NYAP2: variants seen among roughly 807,000 people sequenced by gnomAD.
NYAP2 encodes the protein neuronal tyrosine-phosphorylated phosphoinositide-3-kinase adaptor 2, also known as neuronal tyrosine-phosphorylated phosphoinositide-3-kinase adapter 2.
NYAP2 carries 23 observed loss-of-function variants against 50.4 expected under a neutral mutation model. That is an observed-to-expected ratio of 0.46 (90% CI 0.33 to 0.65). The LOEUF is 0.65. NYAP2 is among the 30% of genes least tolerant of loss of function. The pLI is 0.02. For synonymous variants in NYAP2, 394 were observed against 365.2 expected (o/e 1.08, Z -0.90); for missense variants, 885 against 861.0 (o/e 1.03, Z -0.35).
At chr2:225,589,516 A>AATATATATATATATATATAT (rs71062993) in intron 5 of NYAP2, among the ~76,000 whole-genome samples, 1,119 of 70,908 alleles carry the variant, frequency 0.016, 28 homozygotes, top group East Asian at 0.025. Flanking sequence ...CTAAAAGTAA[A>AATATATATATATATATATAT]ATATATATAT....
At chr2:225,686,077 T>A in the NYAP2 span, among the ~76,000 whole-genome samples, 2 of 152,152 alleles carry the variant, frequency 1.3e-5, no homozygotes, top group African/African-American at 4.8e-5. Flanking sequence ...AGAAATACCA[T>A]GTCACTCACA....
intron 3 of NYAP2, among the ~76,000 whole-genome samples, chr2:225,446,216 GTCTCTCTCTC>G (rs1271105292): frequency 1.4e-5 from 1 of 69,670 alleles, no homozygotes; most frequent in African/African-American, 3.9e-5. Context: ...CTGTCTGTCT[GTCTCTCTCTC>G]TCTCTCTCTC....
chr2:225,556,092 G>A (rs1331096006), intron 4 of NYAP2, among the ~76,000 whole-genome samples: 1 of 152,094 alleles, frequency 6.6e-6, no homozygotes, highest in East Asian at 1.9e-4. Flanking sequence ...TGCCAATGGA[G>A]CCTCATCAGC....
intron 4 of NYAP2, among the ~76,000 whole-genome samples, chr2:225,530,202 A>T (rs1691229887): frequency 6.6e-6 from 1 of 152,144 alleles, no homozygotes; most frequent in Non-Finnish European, 1.5e-5. Context: ...TAATGGGTGA[A>T]TGTACCCCAG....
At chr2:225,701,696 A>T in the NYAP2 span, 1 of 151,772 alleles carries the variant, frequency 6.6e-6, no homozygotes, top group Non-Finnish European at 1.5e-5. Flanking sequence ...TAAAATAATT[A>T]GAAAAGTAAA....
At chr2:225,663,998 A>T in the NYAP2 span, among the ~76,000 whole-genome samples, 1 of 152,030 alleles carries the variant, frequency 6.6e-6, no homozygotes, top group Non-Finnish European at 1.5e-5. Flanking sequence ...TCTCCCATCC[A>T]CAAGGCTTTT....
At chr2:225,646,038 C>A (rs1407889342) in intron 6 of NYAP2, among the ~76,000 whole-genome samples, 1 of 152,184 alleles carries the variant, frequency 6.6e-6, no homozygotes, top group East Asian at 1.9e-4. Context: ...CTCTGAAAGG[C>A]ATGGTTATAA....
At chr2:225,479,097 C>G (rs1281626437) in intron 3 of NYAP2, among the ~76,000 whole-genome samples, 4 of 152,022 alleles carry the variant, frequency 2.6e-5, no homozygotes, top group Non-Finnish European at 4.4e-5. Context: ...GACTTGGGAA[C>G]AGTCAACGAG....
chr2:225,675,816 G>T, the NYAP2 span, among the ~76,000 whole-genome samples: 3,054 of 152,108 alleles, frequency 0.02, 105 homozygotes, highest in African/African-American at 0.069. Flanking sequence ...GTAGTTTTGT[G>T]ATTTTTTAAT....
chr2:225,644,155 A>G (rs1263157933), intron 6 of NYAP2, among the ~76,000 whole-genome samples: 1 of 152,088 alleles, frequency 6.6e-6, no homozygotes, highest in Non-Finnish European at 1.5e-5. Flanking sequence ...GTGAGATGGT[A>G]TCTCATTGTT....
intron 3 of NYAP2, among the ~76,000 whole-genome samples, chr2:225,465,249 A>C (rs977677943): frequency 2.0e-5 from 3 of 152,032 alleles, no homozygotes; most frequent in Non-Finnish European, 4.4e-5. Context: ...CAGGCCTGCT[A>C]TCTCAAAGCA....
chr2:225,489,305 TGCCTCAGCCTCCCGAGTA>T (rs1690363433), intron 3 of NYAP2, among the ~76,000 whole-genome samples: 1 of 152,126 alleles, frequency 6.6e-6, no homozygotes, highest in Admixed American at 6.5e-5. Context: ...GCAATTCTCC[TGCCTCAGCCTCCCGAGTA>T]GCTGGGATTA....
chr2:225,629,900 A>C (rs1693278573), intron 6 of NYAP2, among the ~76,000 whole-genome samples: 1 of 152,152 alleles, frequency 6.6e-6, no homozygotes, highest in South Asian at 2.1e-4. Flanking sequence ...TTTCAACATG[A>C]GTTTTCGTGA....
intron 6 of NYAP2, among the ~76,000 whole-genome samples, chr2:225,631,784 A>C (rs767022245): frequency 1.3e-5 from 2 of 152,044 alleles, no homozygotes; most frequent in African/African-American, 4.8e-5. Flanking sequence ...TGAAGTTCAC[A>C]CTCACCTTTG....
At chr2:225,641,072 G>A (rs777099627) in intron 6 of NYAP2, among the ~76,000 whole-genome samples, 11 of 152,014 alleles carry the variant, frequency 7.2e-5, no homozygotes, top group South Asian at 4.2e-4. Context: ...ACAGTGTGCT[G>A]ACTCCAGTTT....
At chr2:225,525,473 C>T (rs1172902293) in intron 4 of NYAP2, among the ~76,000 whole-genome samples, 1 of 152,080 alleles carries the variant, frequency 6.6e-6, no homozygotes, top group Non-Finnish European at 1.5e-5. Flanking sequence ...TCTTTTCTAT[C>T]AGATTAGATG....
chr2:225,441,247 T>C (rs1441092995), intron 3 of NYAP2, among the ~76,000 whole-genome samples: 1 of 152,236 alleles, frequency 6.6e-6, no homozygotes, highest in Non-Finnish European at 1.5e-5. Context: ...CTTGCATGTA[T>C]TCTGCATAAT....
intron 3 of NYAP2, among the ~76,000 whole-genome samples, chr2:225,504,331 T>C (rs1690664781): frequency 6.6e-6 from 1 of 152,094 alleles, no homozygotes; most frequent in Non-Finnish European, 1.5e-5. Flanking sequence ...CTAATTTCAT[T>C]CTGAGGGTTT....
intron 3 of NYAP2, among the ~76,000 whole-genome samples, chr2:225,436,912 C>A (rs1689389051): frequency 6.6e-6 from 1 of 151,984 alleles, no homozygotes; most frequent in Non-Finnish European, 1.5e-5. Context: ...AGCCTCATTC[C>A]TTCAAGTGGG....
Sources: gnomAD v4.1 joint callset for allele counts (sites outside exome capture counted in the v4.1 genomes callset) on GRCh38, gnomAD v4.1.1 for gene constraint, MANE v1.5 for transcripts, NCBI Gene and HGNC (gene_info 2026-07-23, HGNC 2026-07-21) for gene names.